Variants in DOCK7 observed in about 807,000 individuals in gnomAD.
DOCK7 encodes dedicator of cytokinesis 7.
In DOCK7, 138 loss-of-function variants were observed where a neutral mutation model predicts 271.0. The observed-to-expected ratio is 0.51, with a 90% confidence interval of 0.44 to 0.59. The LOEUF (loss-of-function observed/expected upper bound fraction) is 0.59, where lower values mean the gene tolerates loss of function less well. DOCK7 is among the 20% of genes least tolerant of loss of function. DOCK7 has a pLI of 0.00. For missense variants in DOCK7, 2,066 were observed against 2,592.4 expected (o/e 0.80, Z 4.41); for synonymous variants, 823 against 876.1 (o/e 0.94, Z 1.07).
At chr1:62,673,212 C>T (rs1435104149) in intron 1 of DOCK7, among the ~76,000 whole-genome samples, 1 of 152,046 alleles carries the variant, frequency 6.6e-6, no homozygotes, top group African/African-American at 2.4e-5. Flanking sequence ...CTACATAATA[C>T]ACTTAACATT....
At position 62,474,092 on chromosome 1, in the gene DOCK7, C is replaced by T. The variant is rs376514981; in HGVS notation, c.6106-4G>A. ...CCTGGGCAACTTCCAAAGGCCCCTG[C>T]AAAATAAGAAAATAAGAAGTGTGTT... On this transcript the variant is annotated splice_polypyrimidine_tract_variant and splice_region_variant and intron_variant, in intron 47 of 49. Coordinates refer to ENST00000635253, the MANE Select transcript of DOCK7 (RefSeq NM_001367561.1). 2 of 1,607,690 alleles carry T rather than the reference C, an allele frequency of 1.2e-6. No individual in the cohort carries two copies. Among genetic ancestry groups the T allele is most frequent in the Non-Finnish European group, 1.7e-6 (2 of 1,177,000 alleles).
chr1:62,510,730 A>G (rs936681788), intron 33 of DOCK7, 57 bp from the exon 34 acceptor site: 109 of 1,306,920 alleles, frequency 8.3e-5, no homozygotes, highest in Middle Eastern at 5.5e-4. Context: ...GACCACATAT[A>G]TGTATACTTG....
At chr1:62,517,552 G>A (rs1175128048) in intron 31 of DOCK7, among the ~76,000 whole-genome samples, 2 of 152,038 alleles carry the variant, frequency 1.3e-5, no homozygotes, top group Non-Finnish European at 1.5e-5. Flanking sequence ...CCGAGATTGC[G>A]CCATTGCACT....
intron 14 of DOCK7, among the ~76,000 whole-genome samples, chr1:62,591,181 G>C (rs1648389457): frequency 6.6e-6 from 1 of 152,134 alleles, no homozygotes; most frequent in South Asian, 2.1e-4. Flanking sequence ...AAAAGAACAA[G>C]ATCATCATGT....
intron 4 of DOCK7, among the ~76,000 whole-genome samples, chr1:62,649,969 G>A (rs766307430): frequency 2.6e-5 from 4 of 152,100 alleles, no homozygotes; most frequent in Non-Finnish European, 4.4e-5. Context: ...AAAACAGAAG[G>A]TCGAGCATGG....
chr1:62,622,550 C>T (rs1653394471), intron 12 of DOCK7, among the ~76,000 whole-genome samples: 1 of 152,084 alleles, frequency 6.6e-6, no homozygotes, highest in South Asian at 2.1e-4. Flanking sequence ...ACCTCCTGGG[C>T]TCAAGCAATT....
chr1:62,460,843 GATA>G (rs924042616), intron 48 of DOCK7: 12 of 152,140 alleles, frequency 7.9e-5, no homozygotes, highest in African/African-American at 2.9e-4. Context: ...TTTTAGCAGA[GATA>G]ATGTTTTGCC....
rs755079234 is a variant in DOCK7, at chr1:62,538,057, G to A, written c.3305C>T (p.Ser1102Phe). The A allele has an allele frequency of 6.2e-7, 1 of 1,613,442 alleles. No individual in the cohort carries two copies. The highest frequency in any genetic ancestry group is 8.5e-7 in the Non-Finnish European group (1 of 1,179,650). ...SLIKSCYKQV[S>F]SKLYSLPNPS... Reference sequence around the variant, plus strand: ...ATTCGGTAATGAGTAAAGCTTTGAAGACACCTTGTAAGCAATGCATAAGTA... The same window carrying A: ...ATTCGGTAATGAGTAAAGCTTTGAAAACACCTTGTAAGCAATGCATAAGTA... The change falls in exon 28 of 50, where the codon TCT (serine) becomes TTT (phenylalanine). Residue 1102 changes from serine (S) to phenylalanine (F), a missense_variant. Ser to Phe is a radical substitution (Grantham distance 155). Around this residue, in one of 2 missense-constraint regions of DOCK7, gnomAD observed 1,414 missense variants for 1,670.4 expected, o/e 0.85. Coordinates refer to ENST00000635253, the MANE Select transcript of DOCK7 (RefSeq NM_001367561.1).
At chr1:62,622,323 C>T (rs933322709) in intron 12 of DOCK7, among the ~76,000 whole-genome samples, 2 of 152,064 alleles carry the variant, frequency 1.3e-5, no homozygotes, top group Non-Finnish European at 2.9e-5. Context: ...GTTTACTGTC[C>T]TGTACCACTG....
intron 14 of DOCK7, among the ~76,000 whole-genome samples, chr1:62,615,864 CT>C (rs1652373621): frequency 6.6e-6 from 1 of 151,690 alleles, no homozygotes; most frequent in Non-Finnish European, 1.5e-5. Flanking sequence ...CAACATCATT[CT>C]CAAATTAATA....
At position 62,454,852 on chromosome 1, in the gene DOCK7, T is replaced by C. The variant is rs369415067; in HGVS notation, c.*562A>G. The C allele has an allele frequency of 3.9e-4, 84 of 215,664 alleles. No homozygotes were observed. The South Asian group carries it at 7.2e-3, about 18-fold the overall frequency. 13.4% of individuals were successfully genotyped at this position (215,664 alleles called of 1,614,324 possible). On this transcript the variant is annotated 3_prime_UTR_variant, in exon 50 of 50. Transcript: ENST00000635253. ...CAATTCTAAATTCCTGTTTTGGGTA[T>C]GTAAATGGAAAATAACTTTGAAACA...
At chr1:62,535,259 C>T (rs1313780554) in intron 29 of DOCK7, among the ~76,000 whole-genome samples, 5 of 152,008 alleles carry the variant, frequency 3.3e-5, no homozygotes, top group South Asian at 2.1e-4. Flanking sequence ...AATTATGATA[C>T]GCCACCAATT....
At chr1:62,593,593 C>G in intron 14 of DOCK7, among the ~76,000 whole-genome samples, 1 of 151,934 alleles carries the variant, frequency 6.6e-6, no homozygotes, top group East Asian at 1.9e-4. Context: ...AAGAAAAAAT[C>G]TTTACATGTC....
rs11324868 is a variant in DOCK7 at position 62,557,065 on chromosome 1, CTTTTTT to C, written c.2432-1082_2432-1077del. On this transcript the variant is annotated intron_variant, in intron 20 of 49. Coordinates refer to ENST00000635253, the MANE Select transcript of DOCK7 (RefSeq NM_001367561.1). The stretch of plus-strand genomic sequence containing the variant: ...GTTCTCATGTTTTTCTTTTTCTTTT[CTTTTTT>C]TTTTTTTTTTAAGAGATGGGGTCTT... 9.1e-4 allele frequency among the ~76,000 whole-genome samples: 125 copies of C among 137,262 alleles called. 5 individuals carry two copies. In the South Asian group the frequency reaches 0.028, roughly 31 times the overall value. The allele number at this position is 137,262 out of a possible 152,430, so 90.0% of individuals were successfully genotyped here. A position where few individuals can be genotyped will look rare whatever the true frequency, so the allele number is the denominator to read the frequency against.
intron 12 of DOCK7, among the ~76,000 whole-genome samples, chr1:62,622,956 C>G (rs1653470820): frequency 6.6e-6 from 1 of 151,890 alleles, no homozygotes; most frequent in Non-Finnish European, 1.5e-5. Context: ...ACAAAAAACC[C>G]AGAAACAAGG....
intron 1 of DOCK7, among the ~76,000 whole-genome samples, chr1:62,670,370 T>C (rs1659833350): frequency 6.6e-6 from 1 of 152,212 alleles, no homozygotes; most frequent in Admixed American, 6.5e-5. Flanking sequence ...GGTGGGGACG[T>C]GGAGAGTCTT....
chr1:62,575,710 TC>T (rs1646924057), intron 18 of DOCK7, among the ~76,000 whole-genome samples: 1 of 152,184 alleles, frequency 6.6e-6, no homozygotes, highest in Non-Finnish European at 1.5e-5. Flanking sequence ...TGGCTCTTAA[TC>T]AGGTGGCTTA....
At chr1:62,489,716 G>C (rs916239349) in intron 41 of DOCK7, among the ~76,000 whole-genome samples, 1 of 152,140 alleles carries the variant, frequency 6.6e-6, no homozygotes, top group African/African-American at 2.4e-5. Flanking sequence ...TAAGGTTAAT[G>C]TGTGTATGTG....
chr1:62,602,521 T>C (rs1032502838), intron 14 of DOCK7: 1 of 707,572 alleles, frequency 1.4e-6, no homozygotes, highest in Non-Finnish European at 2.5e-6. Context: ...ATCAAACAAT[T>C]ACACATTTGT....
Sources: gnomAD v4.1 joint callset for allele counts (sites outside exome capture counted in the v4.1 genomes callset) on GRCh38, gnomAD v4.1.1 for gene constraint, gnomAD v4.1.1 regional missense constraint, MANE v1.5 for transcripts, NCBI Gene and HGNC (gene_info 2026-07-23, HGNC 2026-07-21) for gene names.